DMD: variants seen among roughly 807,000 people sequenced by gnomAD.
The protein encoded by DMD is dystrophin.
In DMD, 63 loss-of-function variants were observed where a neutral mutation model predicts 330.1. The observed-to-expected ratio is 0.19, with a 90% CI of 0.16 to 0.24. The LOEUF is 0.24. DMD is among the 10% of genes least tolerant of loss of function. DMD has a pLI of 1.00. For missense variants in DMD, 3,344 were observed against 2,684.1 expected, an observed-to-expected ratio of 1.25 and a Z score of -5.43; for synonymous variants, 1,223 against 959.8, an observed-to-expected ratio of 1.27 and a Z score of -5.07.
intron 1 of DMD, among the ~76,000 whole-genome samples, chrX:33,238,879 A>C (rs746070989): frequency 1.8e-5 from 2 of 111,169 alleles, no homozygotes; most frequent in African/African-American, 6.6e-5. Context: ...GGCTTCCATC[A>C]ATACTGAGAA....
At chrX:32,374,301 A>G (rs1257439447) in intron 34 of DMD, among the ~76,000 whole-genome samples, 2 of 111,314 alleles carry the variant, frequency 1.8e-5, no homozygotes, top group Non-Finnish European at 3.8e-5. Flanking sequence ...AGAAGCTTTA[A>G]TTTAATTAAC....
chrX:32,958,671 T>C (rs965455911), intron 2 of DMD, among the ~76,000 whole-genome samples: 11 of 111,632 alleles, frequency 9.9e-5, no homozygotes, highest in African/African-American at 3.2e-4. Flanking sequence ...GCTTTGCAAA[T>C]GGTATTTCTT....
intron 67 of DMD, among the ~76,000 whole-genome samples, chrX:31,190,792 T>C (rs1315051784): frequency 9.1e-6 from 1 of 110,442 alleles, no homozygotes; most frequent in Non-Finnish European, 1.9e-5. Context: ...TACATAACCA[T>C]ATGGTTCACT....
At chrX:32,554,184 A>G (rs1390735301) in intron 16 of DMD, among the ~76,000 whole-genome samples, 1 of 112,228 alleles carries the variant, frequency 8.9e-6, no homozygotes, top group African/African-American at 3.2e-5. Context: ...TCAAATAGCT[A>G]GAAAGATCTT....
At chrX:32,117,752 T>C in intron 44 of DMD, among the ~76,000 whole-genome samples, 1 of 112,018 alleles carries the variant, frequency 8.9e-6, no homozygotes, top group South Asian at 3.8e-4. Context: ...ACTTAGAATC[T>C]AAGAAAGTGC....
chrX:32,468,852 A>G (rs1304694017), intron 22 of DMD, 142 bp from the exon 23 acceptor site: 3 of 504,885 alleles, frequency 5.9e-6, no homozygotes, highest in Non-Finnish European at 9.8e-6. Context: ...ATAAACTTCT[A>G]GTGGTAATTT....
chrX:32,819,735 T>C (rs1474919697), intron 5 of DMD, among the ~76,000 whole-genome samples: 1 of 109,453 alleles, frequency 9.1e-6, no homozygotes, highest in African/African-American at 3.3e-5. Context: ...TAAATGCCGC[T>C]CGTTATCTGA....
intron 44 of DMD, among the ~76,000 whole-genome samples, chrX:32,079,368 G>A (rs921664388): frequency 5.4e-5 from 6 of 111,605 alleles, no homozygotes; most frequent in African/African-American, 2.0e-4. Flanking sequence ...GCTGAGGCGG[G>A]TGGATCGCTT....
intron 55 of DMD, among the ~76,000 whole-genome samples, chrX:31,543,330 C>T (rs996250684): frequency 9.0e-6 from 1 of 110,732 alleles, no homozygotes; most frequent in Admixed American, 9.6e-5. Flanking sequence ...ACCACCACTC[C>T]TAGCTATTTT....
At chrX:32,855,128 C>G (rs1380831547) in intron 2 of DMD, among the ~76,000 whole-genome samples, 1 of 111,665 alleles carries the variant, frequency 9.0e-6, no homozygotes, top group Non-Finnish European at 1.9e-5. Context: ...ATTCAACATG[C>G]CTTCATGATA....
intron 31 of DMD, 120 bp from the exon 32 acceptor site, chrX:32,389,794 T>C: frequency 1.4e-6 from 1 of 729,489 alleles, no homozygotes; most frequent in Non-Finnish European, 2.0e-6. Context: ...AAAAACAAAA[T>C]AAAGCAGTAT....
chrX:32,346,841 G>T (rs1349109910), intron 38 of DMD, among the ~76,000 whole-genome samples: 4 of 111,284 alleles, frequency 3.6e-5, no homozygotes, highest in Non-Finnish European at 7.6e-5. Flanking sequence ...ATAAATGCTG[G>T]TCTAATATAG....
chrX:31,616,737 T>C (rs977258599), intron 55 of DMD, among the ~76,000 whole-genome samples: 2 of 111,757 alleles, frequency 1.8e-5, no homozygotes, highest in Admixed American at 1.9e-4. Context: ...GCAAGTTGGA[T>C]TGGAGCCACT....
At chrX:33,262,133 T>C (rs1390801058) in intron 1 of DMD, among the ~76,000 whole-genome samples, 4 of 111,642 alleles carry the variant, frequency 3.6e-5, no homozygotes, top group African/African-American at 1.3e-4. Flanking sequence ...AATAATTTCA[T>C]ATTGAGAAGA....
At chrX:32,404,706 G>A (rs1054281759) in intron 30 of DMD, among the ~76,000 whole-genome samples, 2 of 111,498 alleles carry the variant, frequency 1.8e-5, no homozygotes, top group Non-Finnish European at 3.8e-5. Flanking sequence ...GTATGTGAAA[G>A]TATCTTTGTA....
At chrX:31,967,178 T>G (rs1053404091) in intron 45 of DMD, among the ~76,000 whole-genome samples, 1 of 110,590 alleles carries the variant, frequency 9.0e-6, no homozygotes, top group Admixed American at 9.7e-5. Context: ...AGGAAGTAGT[T>G]TAACTACAAA....
chrX:31,456,876 G>A (rs201120715), intron 59 of DMD, among the ~76,000 whole-genome samples: 502 of 68,698 alleles, frequency 7.3e-3, no homozygotes, highest in Middle Eastern at 0.016. Flanking sequence ...GTGTGTGTGT[G>A]TATATATATA....
chrX:32,483,820 CAAAAAAAAAAA>C (rs770119472), intron 21 of DMD, among the ~76,000 whole-genome samples: 1 of 37,269 alleles, frequency 2.7e-5, no homozygotes, highest in Non-Finnish European at 4.3e-5. Flanking sequence ...CTCTGAAGTA[CAAAAAAAAAAA>C]AAAAAAAAAA....
At chrX:32,879,749 T>A (rs993937396) in intron 2 of DMD, among the ~76,000 whole-genome samples, 2 of 111,530 alleles carry the variant, frequency 1.8e-5, no homozygotes, top group Non-Finnish European at 3.8e-5. Context: ...AAAAGGATGA[T>A]CAGCTGGAAA....
Sources: allele counts gnomAD v4.1 joint callset (sites outside exome capture counted in the v4.1 genomes callset), GRCh38; gene constraint gnomAD v4.1.1; transcripts MANE v1.5; gene names NCBI Gene and HGNC (gene_info 2026-07-23, HGNC 2026-07-21).